PDE2A: variants seen among roughly 807,000 people sequenced by gnomAD.
The protein encoded by PDE2A is phosphodiesterase 2A.
Under a neutral mutation model 133.6 loss-of-function variants are expected in PDE2A, and 53 were observed. The ratio of observed to expected loss-of-function variants is 0.40; its 90% confidence interval spans 0.32 to 0.50. The LOEUF is 0.50. PDE2A is among the 20% of genes least tolerant of loss of function. The pLI is 0.73. For synonymous variants in PDE2A, 491 were observed against 490.2 expected (o/e 1.00, Z -0.02); for missense variants, 796 against 1,232.4 (o/e 0.65, Z 5.30).
intron 1 of PDE2A, among the ~76,000 whole-genome samples, chr11:72,642,646 G>A (rs1261033991): frequency 6.6e-6 from 1 of 152,014 alleles, no homozygotes; most frequent in Non-Finnish European, 1.5e-5. Flanking sequence ...CAGCTGGCCT[G>A]CTGTCAGCCT....
At chr11:72,585,921 G>A in intron 14 of PDE2A, 149 bp downstream of exon 14, 1 of 651,996 alleles carries the variant, frequency 1.5e-6, no homozygotes, top group Non-Finnish European at 2.8e-6. Context: ...CTGAACAACT[G>A]CAAGCCTTCA....
At chr11:72,612,882 TTC>T (rs1857281850) in intron 2 of PDE2A, among the ~76,000 whole-genome samples, 1 of 152,204 alleles carries the variant, frequency 6.6e-6, no homozygotes, top group Non-Finnish European at 1.5e-5. Context: ...GGGGAGCCTG[TTC>T]TGAGTCAGGC....
At chr11:72,605,544 C>T (rs1367371015) in intron 3 of PDE2A, among the ~76,000 whole-genome samples, 1 of 152,194 alleles carries the variant, frequency 6.6e-6, no homozygotes, top group Non-Finnish European at 1.5e-5. Flanking sequence ...GCAGACAAAT[C>T]ACCTCCCACC....
At chr11:72,582,362 G>A (rs1807080209) in intron 21 of PDE2A, 82 bp downstream of exon 21, 1 of 1,364,286 alleles carries the variant, frequency 7.3e-7, no homozygotes, top group African/African-American at 1.4e-5. Flanking sequence ...TGTCTTCCCA[G>A]GAAGTTCTTG....
At chr11:72,580,815 CAGGCTGGG>C in intron 24 of PDE2A, 63 bp downstream of exon 24, 1 of 1,073,442 alleles carries the variant, frequency 9.3e-7, no homozygotes, top group Non-Finnish European at 1.5e-6. Flanking sequence ...CACCCATCTT[CAGGCTGGG>C]AGAGGATGAG....
intron 1 of PDE2A, among the ~76,000 whole-genome samples, chr11:72,650,702 G>C (rs778928757): frequency 2.4e-4 from 36 of 152,276 alleles, no homozygotes; most frequent in South Asian, 4.1e-4. Flanking sequence ...AGGGGACGAA[G>C]GAGGCAGGCT....
rs1855472059 is a variant in PDE2A at position 72,576,246 on chromosome 11, C to T, written c.*1138G>A. On this transcript the variant is annotated 3_prime_UTR_variant, in exon 31 of 31. Transcript: ENST00000334456. ...GAAAAACGCATCTCTCTAAAGGCAA[C>T]TCAGAAAGGTAAGGCAGGTGGACCC... The T allele has an allele frequency of 6.6e-6, 1 of 152,638 alleles. No individual in the cohort carries two copies. Among genetic ancestry groups the T allele is most frequent in the Non-Finnish European group, 1.5e-5 (1 of 68,148 alleles). The allele number at this position is 152,638 out of a possible 1,614,324, so 9.5% of individuals were successfully genotyped here.
intron 6 of PDE2A, 108 bp from the exon 7 acceptor site, chr11:72,591,464 A>G: frequency 1.3e-6 from 1 of 779,844 alleles, no homozygotes; most frequent in Non-Finnish European, 2.2e-6. Context: ...ACACATACAC[A>G]CTCCAGTCTG....
rs185199377 is a variant in PDE2A, at chr11:72,627,700, G to A, written c.144+14554C>T. ...GCAATAGAGGAGCCGGTGTTGGGCA[G>A]TGCATTTCAGTACTTATTGTGGATG... On this transcript the variant is annotated intron_variant, in intron 2 of 30. Transcript: ENST00000334456. 1.4e-3 allele frequency among the ~76,000 whole-genome samples: 220 copies of A among 152,308 alleles called. 1 individual carries two copies. Among genetic ancestry groups the A allele is most frequent in the Non-Finnish European group, 7.6e-4 (52 of 68,036 alleles).
At chr11:72,637,055 CA>C (rs1285614599) in intron 2 of PDE2A, among the ~76,000 whole-genome samples, 1 of 137,522 alleles carries the variant, frequency 7.3e-6, no homozygotes. Flanking sequence ...CTCTGTCTGC[CA>C]CCAGCGAACC....
chr11:72,657,295 G>C lies in PDE2A; in HGVS notation c.72-14969C>G, dbSNP rs73546230. The stretch of plus-strand genomic sequence containing the variant: ...GGAGGGGAAAAGGGTTGGCAGCCCA[G>C]GGCCTCAAACAGGAACAAGGCTCAG... On this transcript the variant is annotated intron_variant, in intron 1 of 30. Coordinates refer to ENST00000334456, the MANE Select transcript of PDE2A (RefSeq NM_002599.5). 7.7e-3 allele frequency among the ~76,000 whole-genome samples: 1,173 copies of C among 152,256 alleles called. 10 individuals carry two copies. The highest frequency in any genetic ancestry group is 0.027 in the African/African-American group (1,107 of 41,542).
At chr11:72,657,714 G>T (rs1044650264) in intron 1 of PDE2A, 3 of 444,394 alleles carry the variant, frequency 6.8e-6, no homozygotes, top group Non-Finnish European at 1.4e-5. Flanking sequence ...CTGGACATAG[G>T]CGTCTTAGGA....
chr11:72,671,337 A>G (rs1332058111), intron 1 of PDE2A, among the ~76,000 whole-genome samples: 1 of 152,244 alleles, frequency 6.6e-6, no homozygotes. Flanking sequence ...GAATGAATGC[A>G]GCAATGGAAT....
At chr11:72,661,219 C>T (rs1385487535) in intron 1 of PDE2A, among the ~76,000 whole-genome samples, 7 of 152,050 alleles carry the variant, frequency 4.6e-5, no homozygotes, top group African/African-American at 1.7e-4. Context: ...GAAGGAGAAT[C>T]GCCTGAACCT....
Position 72,585,406 on chromosome 11 carries a change from G to T in PDE2A, c.1251C>A (p.Ile417=), listed in dbSNP as rs764437955. 2.5e-6 allele frequency: 4 copies of T among 1,614,126 alleles called. No homozygotes were observed. The highest frequency in any genetic ancestry group is 3.4e-6 in the Non-Finnish European group (4 of 1,179,976). Residue 417 remains isoleucine (I), a synonymous_variant, in exon 16 of 31, where the codon ATC becomes ATA. Coordinates refer to ENST00000334456, the MANE Select transcript of PDE2A (RefSeq NM_002599.5). ...LDDVSVLLQE[I]ITEARNLSNA... Reference sequence around the variant, plus strand: ...TGCTGAGGTTTCTGGCCTCCGTGATGATCTCCTGGAGCAGGACAGAGACGT... The same window carrying T: ...TGCTGAGGTTTCTGGCCTCCGTGATTATCTCCTGGAGCAGGACAGAGACGT...
At chr11:72,591,734 T>C (rs952558274) in intron 6 of PDE2A, among the ~76,000 whole-genome samples, 1 of 152,242 alleles carries the variant, frequency 6.6e-6, no homozygotes, top group Non-Finnish European at 1.5e-5. Context: ...GCCTCCCGGC[T>C]CTATCCTGTC....
intron 1 of PDE2A, chr11:72,668,539 C>T: frequency 1.4e-6 from 1 of 694,432 alleles, no homozygotes; most frequent in South Asian, 1.5e-5. Context: ...GAGGTCGATG[C>T]TGCTTCACCT....
In PDE2A at chr11:72,584,747, A is replaced by G. The variant is rs752543894; in HGVS notation, c.1360-19T>C. 2 of 1,612,632 alleles carry G rather than the reference A, an allele frequency of 1.2e-6. No individual in the cohort carries two copies. Among genetic ancestry groups the G allele is most frequent in the Admixed American group, 1.7e-5 (1 of 59,984 alleles). On this transcript the variant is annotated intron_variant, in intron 17 of 30. Coordinates refer to ENST00000334456, the MANE Select transcript of PDE2A (RefSeq NM_002599.5). ...CATAGCTCTGCCGGAGCAGAGATGG[A>G]GTCGAGAGGAAGAAGTTAGTGACCC... is the stretch of plus-strand genomic sequence containing the variant.
chr11:72,587,474 C>G (rs1227725021), intron 13 of PDE2A, among the ~76,000 whole-genome samples: 1 of 152,162 alleles, frequency 6.6e-6, no homozygotes, highest in East Asian at 1.9e-4. Flanking sequence ...CCCTGGGCCT[C>G]AAAGCTGCCA....
Sources: gnomAD v4.1 joint callset for allele counts (sites outside exome capture counted in the v4.1 genomes callset) on GRCh38, gnomAD v4.1.1 for gene constraint, MANE v1.5 for transcripts, NCBI Gene and HGNC (gene_info 2026-07-23, HGNC 2026-07-21) for gene names.